Variants in DPYSL4 observed in about 807,000 individuals in gnomAD.
DPYSL4 encodes the protein dihydropyrimidinase-related protein 4.
A neutral mutation model predicts 63.4 loss-of-function variants in DPYSL4; 43 were observed. The observed-to-expected ratio is 0.68, with a 90% CI of 0.53 to 0.88. The LOEUF is 0.88. Among genes scored for constraint, DPYSL4 ranks in the 40% least tolerant of loss-of-function variants. The pLI, the probability that DPYSL4 is intolerant of heterozygous loss-of-function variation, is 0.00. For synonymous variants in DPYSL4, 353 were observed against 331.7 expected (o/e 1.06, Z -0.70); for missense variants, 733 against 819.5 (o/e 0.89, Z 1.29).
At chr10:132,194,100 C>T (rs922641841) in intron 3 of DPYSL4, among the ~76,000 whole-genome samples, 3 of 152,272 alleles carry the variant, frequency 2.0e-5, no homozygotes, top group African/African-American at 7.2e-5. Context: ...CTCTATCCTG[C>T]CTCTGTCTTC....
intron 6 of DPYSL4, 24 bp downstream of exon 6, chr10:132,197,125 G>A (rs2061956449): frequency 1.4e-6 from 2 of 1,476,298 alleles, no homozygotes; most frequent in African/African-American, 2.8e-5. Flanking sequence ...GGGCTGCCGT[G>A]GGGCAGGCAC....
intron 8 of DPYSL4, among the ~76,000 whole-genome samples, chr10:132,200,046 C>T (rs1057021526): frequency 3.3e-5 from 5 of 152,150 alleles, no homozygotes; most frequent in East Asian, 1.9e-4. Context: ...CACTGTGCCT[C>T]GCAGCCCACA....
chr10:132,191,103 G>A (rs1232049706), intron 2 of DPYSL4, among the ~76,000 whole-genome samples: 3 of 133,248 alleles, frequency 2.3e-5, no homozygotes, highest in Middle Eastern at 4.1e-3. Context: ...GTGTGTACAC[G>A]CTGGCCACGT....
chr10:132,203,542 A>G (rs907945149), intron 12 of DPYSL4: 1 of 558,422 alleles, frequency 1.8e-6, no homozygotes. Context: ...GGCGGGCATT[A>G]TACACGTATG....
intron 11 of DPYSL4, 78 bp from the exon 12 acceptor site, chr10:132,202,568 G>C: frequency 3.2e-6 from 5 of 1,568,608 alleles, no homozygotes; most frequent in Non-Finnish European, 4.3e-6. Flanking sequence ...GGCGGCCACA[G>C]TGCTCCAGCG....
chr10:132,201,133 G>A, intron 10 of DPYSL4, 150 bp downstream of exon 10: 2 of 1,206,020 alleles, frequency 1.7e-6, no homozygotes, highest in East Asian at 5.2e-5. Flanking sequence ...TCCCCACCCA[G>A]GGCGCCTCAG....
chr10:132,202,620 C>T (rs754744890), intron 11 of DPYSL4, 26 bp from the exon 12 acceptor site: 8 of 1,609,646 alleles, frequency 5.0e-6, no homozygotes, highest in South Asian at 1.1e-5. Flanking sequence ...CGTGGAGGCA[C>T]TGGACCCTCG....
chr10:132,196,796 A>C (rs2061950968), intron 4 of DPYSL4, 65 bp from the exon 5 acceptor site: 1 of 1,577,674 alleles, frequency 6.3e-7, no homozygotes, highest in African/African-American at 1.3e-5. Context: ...GGGCAGGAGC[A>C]GCAGAGGCTC....
chr10:132,195,273 G>A (rs2637626), intron 4 of DPYSL4, among the ~76,000 whole-genome samples: 125,180 of 152,182 alleles, frequency 0.82, 51,636 homozygotes, highest in East Asian at 0.96. Context: ...TTTCTTAGAA[G>A]AGAGGCTGCC....
intron 8 of DPYSL4, among the ~76,000 whole-genome samples, chr10:132,199,440 C>A (rs566444560): frequency 2.2e-4 from 33 of 152,010 alleles, no homozygotes; most frequent in Non-Finnish European, 2.9e-5. Flanking sequence ...TGATTGGCAG[C>A]GGCTTGACTG....
Position 132,205,341 on chromosome 10 carries a change from C to T in DPYSL4, c.*411C>T, listed in dbSNP as rs1454951969. On this transcript the variant is annotated 3_prime_UTR_variant, in exon 14 of 14. Coordinates refer to ENST00000338492, the MANE Select transcript of DPYSL4 (RefSeq NM_006426.3). ...TGGTGGGCATTTGCCGCCGCCTCCC[C>T]ACCACCAGTCACTGCCTCGCAGAGC... 6.1e-6 allele frequency: 1 copy of T among 163,770 alleles called. No homozygotes were observed. Among genetic ancestry groups the T allele is most frequent in the African/African-American group, 2.4e-5 (1 of 41,820 alleles). The allele number at this position is 163,770 out of a possible 1,614,324, so 10.1% of individuals were successfully genotyped here. A position where few individuals can be genotyped will look rare whatever the true frequency, so the allele number is the denominator to read the frequency against.
At position 132,205,017 on chromosome 10, in the gene DPYSL4, C is replaced by A; in HGVS notation, c.*87C>A. 2.7e-6 allele frequency: 3 copies of A among 1,130,870 alleles called. No homozygotes were observed. The highest frequency in any genetic ancestry group is 2.5e-6 in the Non-Finnish European group (2 of 807,738). The allele number at this position is 1,130,870 out of a possible 1,614,324, so 70.1% of individuals were successfully genotyped here. On this transcript the variant is annotated 3_prime_UTR_variant, in exon 14 of 14. Transcript: ENST00000338492. ...CACTCGCCCCCCTCCTTAGCATTTT[C>A]TTTTGTAGAAGTTTCTCGAAGGTGC...
Position 132,203,882 on chromosome 10 carries a change from G to T in DPYSL4, c.1582G>T (p.Val528Phe). ...CGCGTCCTGCCCAGGCAAGATCTCC[G>T]TCCCTCCTGTGCGCAACCTACATCA... ...ARASCPGKIS[V>F]PPVRNLHQSG... Residue 528 changes from valine to phenylalanine, a missense_variant, in exon 13 of 14, where the codon GTC becomes TTC. Transcript: ENST00000338492. 1 of 1,612,646 alleles carries T rather than the reference G, an allele frequency of 6.2e-7. No homozygotes were observed. The highest frequency in any genetic ancestry group is 8.5e-7 in the Non-Finnish European group (1 of 1,179,488).
intron 13 of DPYSL4, among the ~76,000 whole-genome samples, chr10:132,204,320 G>A (rs180958379): frequency 6.1e-4 from 93 of 152,320 alleles, no homozygotes; most frequent in African/African-American, 2.1e-3. Flanking sequence ...CACAAGGGAG[G>A]GTCTGAGCTG....
intron 8 of DPYSL4, among the ~76,000 whole-genome samples, chr10:132,200,073 G>A (rs1317674850): frequency 5.3e-5 from 8 of 152,178 alleles, no homozygotes; most frequent in Non-Finnish European, 1.0e-4. Flanking sequence ...CCCTGGCCCC[G>A]CTGGAGTGCC....
chr10:132,192,041 C>T lies in DPYSL4; in HGVS notation c.129-617C>T, dbSNP rs1043583946. ...CCAGCTCGTGTGTACACGCTGGTCACGTGGTATCCAGGCAGGTGAAAATAG... is the reference window on the plus strand; with the variant it reads ...CCAGCTCGTGTGTACACGCTGGTCATGTGGTATCCAGGCAGGTGAAAATAG... On this transcript the variant is annotated intron_variant, in intron 2 of 13. Transcript: ENST00000338492. 8.0e-4 allele frequency among the ~76,000 whole-genome samples: 82 copies of T among 103,116 alleles called. 8 individuals are homozygous for T. The highest frequency in any genetic ancestry group is 1.4e-3 in the Non-Finnish European group (66 of 46,130). 67.6% of individuals were successfully genotyped at this position (103,116 alleles called of 152,430 possible).
chr10:132,198,579 T>A, intron 7 of DPYSL4, 96 bp downstream of exon 7: 1 of 1,297,418 alleles, frequency 7.7e-7, no homozygotes, highest in Non-Finnish European at 1.1e-6. Context: ...CTCCTGGCCC[T>A]GCCACTGTGC....
Position 132,202,006 on chromosome 10 carries a change from ATCT to A in DPYSL4, c.1174_1176del (p.Phe392del). 6.2e-7 allele frequency: 1 copy of A among 1,613,280 alleles called. No individual in the cohort carries two copies. The highest frequency in any genetic ancestry group is 8.5e-7 in the Non-Finnish European group (1 of 1,179,960). ...GGTGACCAGTACAAATGCTGCCAAA[ATCT>A]TCAATTTTTACCCAAGGAAGGGGCG... On this transcript the variant is annotated inframe_deletion, in exon 11 of 14. Coordinates refer to ENST00000338492, the MANE Select transcript of DPYSL4 (RefSeq NM_006426.3).
At chr10:132,203,235 C>T (rs150571375) in intron 12 of DPYSL4, among the ~76,000 whole-genome samples, 2 of 152,256 alleles carry the variant, frequency 1.3e-5, no homozygotes, top group East Asian at 1.9e-4. Context: ...TGGACTGGGG[C>T]GTGTGCTCCT....
Sources: allele counts gnomAD v4.1 joint callset (sites outside exome capture counted in the v4.1 genomes callset), GRCh38; gene constraint gnomAD v4.1.1; transcripts MANE v1.5; gene names NCBI Gene and HGNC (gene_info 2026-07-23, HGNC 2026-07-21).